ANKS1B: variants seen among roughly 807,000 people sequenced by gnomAD.
The protein encoded by ANKS1B is ankyrin repeat and sterile alpha motif domain-containing protein 1B.
In ANKS1B, 36 loss-of-function variants were observed where a neutral mutation model predicts 148.3. That is an observed-to-expected ratio of 0.24 (90% CI 0.19 to 0.32). The LOEUF is 0.32. ANKS1B is among the 10% of genes least tolerant of loss of function. The probability of loss-of-function intolerance (pLI) is 1.00; values close to 1 mark genes in which losing one functional copy is unlikely to be tolerated. For synonymous variants in ANKS1B, 542 were observed against 560.8 expected (o/e 0.97, Z 0.47); for missense variants, 1,157 against 1,542.6 (o/e 0.75, Z 4.19).
At chr12:99,745,513 C>A (rs1231654515) in intron 8 of ANKS1B, among the ~76,000 whole-genome samples, 1 of 152,148 alleles carries the variant, frequency 6.6e-6, no homozygotes, top group Non-Finnish European at 1.5e-5. Context: ...AATTCAGGGT[C>A]TCCATGCTTG....
At chr12:98,895,007 G>T in intron 17 of ANKS1B, 1 of 819,496 alleles carries the variant, frequency 1.2e-6, no homozygotes, top group Non-Finnish European at 1.5e-6. Context: ...GGCGGCGGCG[G>T]CGCGTCCTCC....
At chr12:99,838,888 A>G (rs1471817675) in intron 1 of ANKS1B, among the ~76,000 whole-genome samples, 28 of 151,746 alleles carry the variant, frequency 1.8e-4, no homozygotes, top group Admixed American at 1.8e-3. Flanking sequence ...TTTCTCATAT[A>G]TTATTTTTCT....
chr12:99,821,389 T>C (rs1304124810), intron 2 of ANKS1B, among the ~76,000 whole-genome samples: 4 of 151,880 alleles, frequency 2.6e-5, no homozygotes, highest in Non-Finnish European at 5.9e-5. Context: ...TCTTTAAAAA[T>C]AGCTAATCAA....
chr12:99,492,815 T>C (rs2096567800), intron 10 of ANKS1B, among the ~76,000 whole-genome samples: 1 of 152,128 alleles, frequency 6.6e-6, no homozygotes, highest in Non-Finnish European at 1.5e-5. Flanking sequence ...ATTATCTCAA[T>C]AGATGCAGAA....
chr12:99,981,886 T>C (rs2095707796), intron 1 of ANKS1B, among the ~76,000 whole-genome samples: 1 of 152,142 alleles, frequency 6.6e-6, no homozygotes, highest in Middle Eastern at 3.2e-3. Context: ...AATTTCAAAG[T>C]GTCATTATGT....
At chr12:99,205,673 G>C (rs1422327513) in intron 14 of ANKS1B, among the ~76,000 whole-genome samples, 1 of 152,180 alleles carries the variant, frequency 6.6e-6, no homozygotes. Flanking sequence ...ACTTTGTGCT[G>C]TAAGAGAGCA....
chr12:99,029,104 G>T (rs1268029679), intron 17 of ANKS1B, among the ~76,000 whole-genome samples: 2 of 152,158 alleles, frequency 1.3e-5, no homozygotes, highest in African/African-American at 4.8e-5. Flanking sequence ...TACTTGCAAA[G>T]ATGCATAATT....
intron 14 of ANKS1B, among the ~76,000 whole-genome samples, chr12:99,220,449 CTTTTTTT>C (rs5800380): frequency 8.9e-6 from 1 of 112,716 alleles, no homozygotes; most frequent in African/African-American, 3.5e-5. Flanking sequence ...AGTAGCATTT[CTTTTTTT>C]TTTTTTTTTT....
chr12:98,836,270 A>G lies in ANKS1B; in HGVS notation c.2779-4134T>C, dbSNP rs574975505. On this transcript the variant is annotated intron_variant, in intron 17 of 26. Transcript: ENST00000683438. ...GGGTTTTGAGCATCTGAAAACATTA[A>G]AATAATTCACTTTTTAGTAAGGCTT... Among the ~76,000 whole-genome samples the G allele has an allele frequency of 3.0e-4, 46 of 152,336 alleles. No homozygotes were observed. The East Asian group carries it at 7.5e-3, about 25-fold the overall frequency.
At chr12:99,622,804 T>G (rs2098070077) in intron 9 of ANKS1B, among the ~76,000 whole-genome samples, 1 of 151,908 alleles carries the variant, frequency 6.6e-6, no homozygotes, top group Non-Finnish European at 1.5e-5. Flanking sequence ...CACACCTAAA[T>G]TCTACCAGAC....
intron 14 of ANKS1B, among the ~76,000 whole-genome samples, chr12:99,159,690 T>G (rs1215650249): frequency 6.6e-6 from 1 of 152,210 alleles, no homozygotes; most frequent in Non-Finnish European, 1.5e-5. Context: ...GCGATGAACA[T>G]ATGAGCACAG....
chr12:99,974,234 G>A (rs537746337), intron 1 of ANKS1B, among the ~76,000 whole-genome samples: 17 of 152,250 alleles, frequency 1.1e-4, no homozygotes, highest in African/African-American at 3.6e-4. Flanking sequence ...TTTTAATTAC[G>A]TACATTGTTT....
At chr12:99,903,514 T>A (rs531092875) in intron 1 of ANKS1B, among the ~76,000 whole-genome samples, 22 of 152,156 alleles carry the variant, frequency 1.4e-4, no homozygotes, top group African/African-American at 5.1e-4. Context: ...AGAGACAGAG[T>A]ACTAGAGGCA....
rs141208508 is a variant in ANKS1B at position 99,427,141 on chromosome 12, C to T, written c.1575+16532G>A. Among the ~76,000 whole-genome samples the T allele has an allele frequency of 6.9e-3, 1,054 of 152,274 alleles. 11 individuals are homozygous for T. The highest frequency in any genetic ancestry group is 0.02 in the Middle Eastern group (6 of 294). On this transcript the variant is annotated intron_variant, in intron 11 of 26. Coordinates refer to ENST00000683438, the MANE Select transcript of ANKS1B (RefSeq NM_001352186.2). ...CGTCCTAATTGTTTCCCCTATTTTT[C>T]CCTCCATAAGGTATTCTCTAGCCAG...
At chr12:98,936,549 C>T (rs1361549495) in intron 17 of ANKS1B, among the ~76,000 whole-genome samples, 1 of 152,030 alleles carries the variant, frequency 6.6e-6, no homozygotes, top group Non-Finnish European at 1.5e-5. Flanking sequence ...ATCACTTGAA[C>T]CCAGGAGGTG....
At chr12:99,725,582 A>G (rs1350503620) in intron 8 of ANKS1B, among the ~76,000 whole-genome samples, 1 of 152,196 alleles carries the variant, frequency 6.6e-6, no homozygotes, top group Admixed American at 6.5e-5. Context: ...TACTGTCAAT[A>G]TTGGACACAT....
At position 99,154,379 on chromosome 12, in the gene ANKS1B, G is replaced by C. The variant is rs772196851; in HGVS notation, c.2436C>G (p.Val812=). The stretch of plus-strand genomic sequence containing the variant: ...TTTCCAACCATTGTCCCACTGTTTG[G>C]ACAGGGCATCTGGGTCCTGTAAGAG... ...NGETTRPRCP[V]QTVGQWLESI... is the part of the protein sequence containing the mutation. The change falls in exon 15 of 27, where the codon GTC becomes GTG. Residue 812 remains valine, a synonymous_variant. Coordinates refer to ENST00000683438, the MANE Select transcript of ANKS1B (RefSeq NM_001352186.2). The C allele has an allele frequency of 9.3e-6, 15 of 1,613,792 alleles. No homozygotes were observed. The highest frequency in any genetic ancestry group is 1.2e-5 in the Non-Finnish European group (14 of 1,179,744).
At chr12:99,431,109 T>C (rs929990452) in intron 11 of ANKS1B, among the ~76,000 whole-genome samples, 5 of 152,234 alleles carry the variant, frequency 3.3e-5, no homozygotes, top group Non-Finnish European at 7.3e-5. Context: ...AAAATAATAC[T>C]GTCTTAAAGG....
At chr12:99,346,283 C>A (rs1179234482) in intron 12 of ANKS1B, among the ~76,000 whole-genome samples, 1 of 151,666 alleles carries the variant, frequency 6.6e-6, no homozygotes, top group African/African-American at 2.4e-5. Context: ...GATAGTTACC[C>A]CCCTGCCTAA....
Sources: gnomAD v4.1 joint callset for allele counts (sites outside exome capture counted in the v4.1 genomes callset) on GRCh38, gnomAD v4.1.1 for gene constraint, MANE v1.5 for transcripts, NCBI Gene and HGNC (gene_info 2026-07-23, HGNC 2026-07-21) for gene names.